The following SPOCK1 variants were observed in gnomAD, a reference collection of about 807,000 sequenced individuals.
SPOCK1 encodes SPARC (osteonectin), cwcv and kazal like domains proteoglycan 1.
In SPOCK1, 23 loss-of-function variants were observed where a neutral mutation model predicts 55.3. The ratio of observed to expected loss-of-function variants is 0.42; its 90% confidence interval spans 0.30 to 0.59. SPOCK1 has a LOEUF of 0.59. Among genes scored for constraint, SPOCK1 ranks in the 20% least tolerant of loss-of-function variants. The pLI is 0.22. For missense variants in SPOCK1, 499 were observed against 552.5 expected, an observed-to-expected ratio of 0.90 and a Z score of 0.97; for synonymous variants, 226 against 221.0, an observed-to-expected ratio of 1.02 and a Z score of -0.20.
intron 2 of SPOCK1, among the ~76,000 whole-genome samples, chr5:137,338,794 T>C (rs1226976318): frequency 1.3e-5 from 2 of 152,176 alleles, no homozygotes; most frequent in African/African-American, 4.8e-5. Context: ...TTTTCATGTG[T>C]TTTTTGGCCG....
chr5:137,489,210 G>C (rs111289128), intron 2 of SPOCK1, among the ~76,000 whole-genome samples: 1,528 of 152,302 alleles, frequency 0.01, 28 homozygotes, highest in African/African-American at 0.035. Flanking sequence ...GCTGAAGTAA[G>C]TGCATGCGTG....
At chr5:137,004,887 A>C (rs142931957) in intron 6 of SPOCK1, among the ~76,000 whole-genome samples, 1 of 152,354 alleles carries the variant, frequency 6.6e-6, no homozygotes, top group Non-Finnish European at 1.5e-5. Flanking sequence ...TTGTTCAGCA[A>C]GAACTAAGGG....
intron 2 of SPOCK1, among the ~76,000 whole-genome samples, chr5:137,415,660 C>T (rs1025888041): frequency 6.6e-6 from 1 of 152,176 alleles, no homozygotes. Flanking sequence ...GAAATCTCTA[C>T]CTGGTCAACT....
At chr5:137,151,514 A>G (rs992406362) in intron 3 of SPOCK1, among the ~76,000 whole-genome samples, 1 of 152,216 alleles carries the variant, frequency 6.6e-6, no homozygotes, top group African/African-American at 2.4e-5. Context: ...TCCTAGAATG[A>G]AGTGGTAAGC....
intron 6 of SPOCK1, among the ~76,000 whole-genome samples, chr5:137,009,149 T>C (rs1751305622): frequency 6.6e-6 from 1 of 152,168 alleles, no homozygotes; most frequent in Admixed American, 6.5e-5. Context: ...CATATTGATT[T>C]TTACAAGAAA....
At chr5:137,067,071 A>C (rs144121924) in intron 6 of SPOCK1, among the ~76,000 whole-genome samples, 13 of 152,242 alleles carry the variant, frequency 8.5e-5, no homozygotes, top group African/African-American at 2.9e-4. Context: ...CACAGAAGGC[A>C]AATTCAAACG....
chr5:137,368,057 C>G (rs1751115431), intron 2 of SPOCK1, among the ~76,000 whole-genome samples: 1 of 152,222 alleles, frequency 6.6e-6, no homozygotes, highest in Non-Finnish European at 1.5e-5. Context: ...AAAGCAGTTT[C>G]CATTAGATTA....
chr5:137,149,545 G>A (rs1754271399), intron 3 of SPOCK1, among the ~76,000 whole-genome samples: 2 of 152,196 alleles, frequency 1.3e-5, no homozygotes, highest in African/African-American at 4.8e-5. Context: ...AATATTTCCT[G>A]GAAAAAAGTG....
At chr5:137,177,705 A>C (rs534011113) in intron 3 of SPOCK1, among the ~76,000 whole-genome samples, 2 of 152,292 alleles carry the variant, frequency 1.3e-5, no homozygotes, top group South Asian at 4.1e-4. Flanking sequence ...GTTGGACTCA[A>C]AGATAAGAAG....
chr5:137,107,127 C>T (rs961226625), intron 5 of SPOCK1, among the ~76,000 whole-genome samples: 4 of 152,164 alleles, frequency 2.6e-5, no homozygotes, highest in African/African-American at 9.7e-5. Flanking sequence ...TGTCCCTTAT[C>T]TAAACATCTA....
At chr5:137,487,449 T>C (rs1580954816) in intron 2 of SPOCK1, among the ~76,000 whole-genome samples, 1 of 152,230 alleles carries the variant, frequency 6.6e-6, no homozygotes, top group East Asian at 1.9e-4. Context: ...CCCTCTGTGG[T>C]TCCGACTATC....
chr5:136,981,645 G>A (rs1750732513), intron 9 of SPOCK1, among the ~76,000 whole-genome samples: 1 of 152,154 alleles, frequency 6.6e-6, no homozygotes, highest in African/African-American at 2.4e-5. Context: ...ATTGTGTTGT[G>A]GCCGGTAAGT....
intron 3 of SPOCK1, among the ~76,000 whole-genome samples, chr5:137,203,095 T>A (rs1755455763): frequency 6.6e-6 from 1 of 152,204 alleles, no homozygotes; most frequent in Non-Finnish European, 1.5e-5. Context: ...AATGAGTACA[T>A]TACCCTTAAT....
At chr5:137,073,889 T>C (rs774383156) in intron 5 of SPOCK1, among the ~76,000 whole-genome samples, 2 of 152,198 alleles carry the variant, frequency 1.3e-5, no homozygotes, top group South Asian at 2.1e-4. Context: ...AAGAAGAAAA[T>C]GCACACTTTC....
At chr5:137,235,561 G>A (rs6892706) in intron 3 of SPOCK1, among the ~76,000 whole-genome samples, 5,799 of 152,298 alleles carry the variant, frequency 0.038, 176 homozygotes, top group East Asian at 0.13. Context: ...AGATGCCTAC[G>A]TTTGGAGGTA....
chr5:137,386,618 G>GA (rs1282576621), intron 2 of SPOCK1, among the ~76,000 whole-genome samples: 2 of 152,082 alleles, frequency 1.3e-5, no homozygotes, highest in Non-Finnish European at 2.9e-5. Context: ...TACAAGCAAA[G>GA]AAAAAATCAC....
At chr5:137,035,258 G>C (rs890275147) in intron 6 of SPOCK1, among the ~76,000 whole-genome samples, 3 of 152,216 alleles carry the variant, frequency 2.0e-5, no homozygotes, top group Non-Finnish European at 4.4e-5. Flanking sequence ...ATCAGGACCG[G>C]AGTGGTGGCT....
At chr5:137,276,536 A>T (rs967231866) in intron 2 of SPOCK1, among the ~76,000 whole-genome samples, 1 of 152,216 alleles carries the variant, frequency 6.6e-6, no homozygotes, top group African/African-American at 2.4e-5. Context: ...ACCTCAGCAC[A>T]GCATTCATTT....
At chr5:137,138,711 C>CG (rs1754038124) in intron 4 of SPOCK1, among the ~76,000 whole-genome samples, 1 of 148,086 alleles carries the variant, frequency 6.8e-6, no homozygotes, top group African/African-American at 2.5e-5. Flanking sequence ...ACCCCCCCCC[C>CG]CCAAAAAAAA....
Sources: allele counts gnomAD v4.1 joint callset (sites outside exome capture counted in the v4.1 genomes callset), GRCh38; gene constraint gnomAD v4.1.1; transcripts MANE v1.5; gene names NCBI Gene and HGNC (gene_info 2026-07-23, HGNC 2026-07-21).